Variants in NOTO observed in about 807,000 individuals in gnomAD.
NOTO encodes the protein notochord homeobox.
A neutral mutation model predicts 20.5 loss-of-function variants in NOTO; 19 were observed. The observed-to-expected ratio is 0.93, with a 90% confidence interval of 0.65 to 1.36. The LOEUF is 1.36. Ranked by LOEUF, NOTO falls within the 40% of genes most tolerant of loss-of-function variation. The pLI, the probability that NOTO is intolerant of heterozygous loss-of-function variation, is 0.00. For missense variants in NOTO, 369 were observed against 336.2 expected (o/e 1.10, Z -0.76); for synonymous variants, 150 against 150.2 (o/e 1.00, Z 0.01).
rs1385883624 is a variant in NOTO at position 73,208,409 on chromosome 2, T to A, written c.392T>A (p.Leu131Gln). ...GCTGGTTGCTCTTTAGGGTTGGAGCTGGCTCACTGCTCAGGACTCTGGGCC... is the reference window on the plus strand; with the variant it reads ...GCTGGTTGCTCTTTAGGGTTGGAGCAGGCTCACTGCTCAGGACTCTGGGCC... ...LLGFGVTGLELAHCSGLWAFP... is the reference protein window; with the variant it reads ...LLGFGVTGLEQAHCSGLWAFP... The change falls in exon 2 of 3, where the codon CTG becomes CAG. Residue 131 changes from leucine (L) to glutamine (Q), a missense_variant. By Grantham distance (113) the Leu-to-Gln change is moderately radical. Transcript: ENST00000398468. 6.4e-7 allele frequency: 1 copy of A among 1,551,332 alleles called. No homozygotes were observed.
At position 73,208,554 on chromosome 2, in the gene NOTO, C is replaced by A. The variant is rs1392702639; in HGVS notation, c.537C>A (p.His179Gln). ...TGGAGAAAGTGTTTGCAAAACAGCACAATCTGGTGGGGAAGAAGAGAGCCC... is the reference window on the plus strand; with the variant it reads ...TGGAGAAAGTGTTTGCAAAACAGCAAAATCTGGTGGGGAAGAAGAGAGCCC... ...EELEKVFAKQHNLVGKKRAQL... is the reference protein window; with the variant it reads ...EELEKVFAKQQNLVGKKRAQL... The change falls in exon 2 of 3, where the codon CAC becomes CAA. Residue 179 changes from histidine (H) to glutamine (Q), a missense_variant. By Grantham distance (24) the His-to-Gln change is conservative. Coordinates refer to ENST00000398468, the MANE Select transcript of NOTO (RefSeq NM_001134462.2). 1.3e-6 allele frequency: 2 copies of A among 1,551,430 alleles called. No individual in the cohort carries two copies. Among genetic ancestry groups the A allele is most frequent in the Non-Finnish European group, 1.7e-6 (2 of 1,146,948 alleles).
chr2:73,206,787 CTTT>C (rs969908382), intron 1 of NOTO, among the ~76,000 whole-genome samples: 18 of 89,970 alleles, frequency 2.0e-4, no homozygotes, highest in African/African-American at 4.3e-4. Context: ...CCAACTAGAG[CTTT>C]TTTTTTTTTT....
At chr2:73,206,649 T>C (rs1686092360) in intron 1 of NOTO, among the ~76,000 whole-genome samples, 1 of 152,038 alleles carries the variant, frequency 6.6e-6, no homozygotes, top group Non-Finnish European at 1.5e-5. Context: ...AGCACCATGT[T>C]AAAATCCTGA....
chr2:73,202,825 C>G lies in NOTO; in HGVS notation c.159C>G (p.Ala53=). ...GRFESPFSVE[A]ILARPDPCAP... ...TCGAGTCCCCTTTCTCGGTCGAGGC[C>G]ATCCTGGCGAGGCCCGACCCCTGCG... is the stretch of plus-strand genomic sequence containing the variant. Residue 53 remains alanine (A), a synonymous_variant, in exon 1 of 3, where the codon GCC becomes GCG. Transcript: ENST00000398468. The G allele has an allele frequency of 6.6e-7, 1 of 1,525,600 alleles. No individual in the cohort carries two copies. The highest frequency in any genetic ancestry group is 8.8e-7 in the Non-Finnish European group (1 of 1,142,084). 94.5% of individuals were successfully genotyped at this position (1,525,600 alleles called of 1,614,324 possible).
Position 73,210,822 on chromosome 2 carries a change from C to G in NOTO, c.649C>G (p.Leu217Val), listed in dbSNP as rs1285166074. 6.4e-7 allele frequency: 1 copy of G among 1,551,666 alleles called. No individual in the cohort carries two copies. Among genetic ancestry groups the G allele is most frequent in the South Asian group, 1.2e-5 (1 of 84,056 alleles). The change falls in exon 3 of 3, where the codon CTG (leucine) becomes GTG (valine). Residue 217 changes from leucine to valine, a missense_variant. Transcript: ENST00000398468. Reference protein sequence around the residue: ...RRVKYQKQQKLRAAVTSAEAA... With the variant: ...RRVKYQKQQKVRAAVTSAEAA... The stretch of plus-strand genomic sequence containing the variant: ...GGTCAAGTATCAGAAGCAGCAAAAG[C>G]TGAGGGCAGCAGTTACATCTGCCGA...
At chr2:73,204,706 C>CTGTTT (rs1228709630) in intron 1 of NOTO, among the ~76,000 whole-genome samples, 72 of 151,770 alleles carry the variant, frequency 4.7e-4, no homozygotes, top group African/African-American at 1.7e-3. Context: ...TTCTTTTGTT[C>CTGTTT]TGTTTTGTTT....
chr2:73,202,802 G>A lies in NOTO; in HGVS notation c.136G>A (p.Glu46Lys). ...PNTPRAPGRF[E>K]SPFSVEAILA... ...CACGCCCCGCGCTCCCGGACGCTTC[G>A]AGTCCCCTTTCTCGGTCGAGGCCAT... The change falls in exon 1 of 3, where the codon GAG becomes AAG. Residue 46 changes from glutamate (E) to lysine (K), a missense_variant. Transcript: ENST00000398468. The A allele has an allele frequency of 6.6e-7, 1 of 1,526,384 alleles. No homozygotes were observed. Among genetic ancestry groups the A allele is most frequent in the Non-Finnish European group, 8.8e-7 (1 of 1,142,558 alleles). 94.6% of individuals were successfully genotyped at this position (1,526,384 alleles called of 1,614,324 possible).
Position 73,202,882 on chromosome 2 carries a change from C to A in NOTO, c.216C>A (p.Ala72=). The part of the protein sequence containing the change: ...APAASQPSGS[A]CVHPAFWTAA... ...CGGCCTCCCAGCCGTCGGGCTCCGC[C>A]TGCGTCCACCCGGCCTTCTGGACCG... is the stretch of plus-strand genomic sequence containing the variant. Residue 72 remains alanine, a synonymous_variant, in exon 1 of 3, where the codon GCC becomes GCA. Transcript: ENST00000398468. 1 of 1,527,968 alleles carries A rather than the reference C, an allele frequency of 6.5e-7. No homozygotes were observed. Among genetic ancestry groups the A allele is most frequent in the Non-Finnish European group, 8.8e-7 (1 of 1,142,538 alleles). The allele number at this position is 1,527,968 out of a possible 1,614,324, so 94.7% of individuals were successfully genotyped here. A position where few individuals can be genotyped will look rare whatever the true frequency, so the allele number is the denominator to read the frequency against.
Position 73,202,974 on chromosome 2 carries a change from T to A in NOTO, c.308T>A (p.Leu103Gln). The A allele has an allele frequency of 6.6e-7, 1 of 1,505,418 alleles. No homozygotes were observed. The highest frequency in any genetic ancestry group is 8.8e-7 in the Non-Finnish European group (1 of 1,130,548). The allele number at this position is 1,505,418 out of a possible 1,614,324, so 93.3% of individuals were successfully genotyped here. A position where few individuals can be genotyped will look rare whatever the true frequency, so the allele number is the denominator to read the frequency against. The part of the protein sequence containing the change: ...ACPTSWLPAY[L>Q]SVGFYPVPGP... Reference sequence around the variant, plus strand: ...CCGACATCGTGGCTGCCCGCCTACCTGAGCGTAGGTTTTTACCCTGTGCCA... The same window carrying A: ...CCGACATCGTGGCTGCCCGCCTACCAGAGCGTAGGTTTTTACCCTGTGCCA... The change falls in exon 1 of 3, where the codon CTG (leucine) becomes CAG (glutamine). Residue 103 changes from leucine to glutamine, a missense_variant. By Grantham distance (113) the Leu-to-Gln change is moderately radical. Transcript: ENST00000398468.
Position 73,202,861 on chromosome 2 carries a change from C to T in NOTO, c.195C>T (p.Ala65=). Residue 65 remains alanine, a synonymous_variant, in exon 1 of 3, where the codon GCC becomes GCT. Coordinates refer to ENST00000398468, the MANE Select transcript of NOTO (RefSeq NM_001134462.2). ...GGCCCGACCCCTGCGCGCCGGCGGC[C>T]TCCCAGCCGTCGGGCTCCGCCTGCG... ...LARPDPCAPA[A]SQPSGSACVH... 1.3e-6 allele frequency: 2 copies of T among 1,526,746 alleles called. No individual in the cohort carries two copies. The highest frequency in any genetic ancestry group is 1.8e-6 in the Non-Finnish European group (2 of 1,142,300). The allele number at this position is 1,526,746 out of a possible 1,614,324, so 94.6% of individuals were successfully genotyped here. A position where few individuals can be genotyped will look rare whatever the true frequency, so the allele number is the denominator to read the frequency against.
In NOTO at chr2:73,211,120, T is replaced by C; in HGVS notation, c.*191T>C. 2 of 552,034 alleles carry C rather than the reference T, an allele frequency of 3.6e-6. No homozygotes were observed. Among genetic ancestry groups the C allele is most frequent in the South Asian group, 2.6e-5 (1 of 37,808 alleles). The allele number at this position is 552,034 out of a possible 1,614,324, so 34.2% of individuals were successfully genotyped here. A position where few individuals can be genotyped will look rare whatever the true frequency, so the allele number is the denominator to read the frequency against. Reference sequence around the variant, plus strand: ...ATGTAATGATTGGAGGCACAGACTCTGGCCTTCAGCTATGTCCTTGGCCAA... The same window carrying C: ...ATGTAATGATTGGAGGCACAGACTCCGGCCTTCAGCTATGTCCTTGGCCAA... On this transcript the variant is annotated 3_prime_UTR_variant, in exon 3 of 3. Coordinates refer to ENST00000398468, the MANE Select transcript of NOTO (RefSeq NM_001134462.2).
Position 73,202,642 on chromosome 2 carries a change from C to T in NOTO, c.-25C>T. 1 of 1,429,882 alleles carries T rather than the reference C, an allele frequency of 7.0e-7. No homozygotes were observed. Among genetic ancestry groups the T allele is most frequent in the East Asian group, 2.9e-5 (1 of 34,510 alleles). 88.6% of individuals were successfully genotyped at this position (1,429,882 alleles called of 1,614,324 possible). A position where few individuals can be genotyped will look rare whatever the true frequency, so the allele number is the denominator to read the frequency against. ...CACTTCTCCCGAGCTCCCTTCCTTGCGTCCGTCCGGGCAACGGCCGCGTCA... is the reference window on the plus strand; with the variant it reads ...CACTTCTCCCGAGCTCCCTTCCTTGTGTCCGTCCGGGCAACGGCCGCGTCA... On this transcript the variant is annotated 5_prime_UTR_variant, in exon 1 of 3. Transcript: ENST00000398468.
intron 2 of NOTO, among the ~76,000 whole-genome samples, chr2:73,209,939 G>T (rs948012869): frequency 6.6e-6 from 1 of 151,802 alleles, no homozygotes; most frequent in Non-Finnish European, 1.5e-5. Flanking sequence ...ATTGAGCCTT[G>T]TCATCTCTAC....
intron 1 of NOTO, among the ~76,000 whole-genome samples, chr2:73,204,473 G>T (rs1372243970): frequency 6.6e-6 from 1 of 152,066 alleles, no homozygotes. Context: ...AGTCTTGCCG[G>T]GTTCCTACTC....
chr2:73,209,313 C>G (rs1686135319), intron 2 of NOTO, among the ~76,000 whole-genome samples: 1 of 152,114 alleles, frequency 6.6e-6, no homozygotes, highest in South Asian at 2.1e-4. Flanking sequence ...GCAAACTTCT[C>G]AACAACTTGC....
intron 1 of NOTO, among the ~76,000 whole-genome samples, chr2:73,203,820 G>A (rs1345961114): frequency 6.6e-6 from 1 of 151,388 alleles, no homozygotes; most frequent in African/African-American, 2.4e-5. Flanking sequence ...CAAAAAATTG[G>A]CCGGGCGCGG....
intron 2 of NOTO, among the ~76,000 whole-genome samples, chr2:73,210,284 G>A (rs960644883): frequency 3.0e-4 from 45 of 152,106 alleles, no homozygotes; most frequent in African/African-American, 1.0e-3. Context: ...TCCAAGCTTG[G>A]TTCCATTTCA....
At position 73,208,529 on chromosome 2, in the gene NOTO, T is replaced by TG; in HGVS notation, c.514dup (p.Glu172GlyfsTer60). ...TTTAACTTGGAGCAGCTGGAAGAGT[T>TG]GGAGAAAGTGTTTGCAAAACAGCAC... On this transcript the variant is annotated frameshift_variant, in exon 2 of 3. Coordinates refer to ENST00000398468, the MANE Select transcript of NOTO (RefSeq NM_001134462.2). LOFTEE classifies it high-confidence loss of function. 5 of 1,551,496 alleles carry TG rather than the reference T, an allele frequency of 3.2e-6. No homozygotes were observed. Among genetic ancestry groups the TG allele is most frequent in the Non-Finnish European group, 4.4e-6 (5 of 1,146,916 alleles).
At chr2:73,208,356 C>G in intron 1 of NOTO, 44 bp from the exon 2 acceptor site, 1 of 1,393,138 alleles carries the variant, frequency 7.2e-7, no homozygotes, top group Middle Eastern at 2.1e-4. Context: ...TGGCTAACCT[C>G]CCCTGCTGCT....
Sources: gnomAD v4.1 joint callset for allele counts (sites outside exome capture counted in the v4.1 genomes callset) on GRCh38, gnomAD v4.1.1 for gene constraint, MANE v1.5 for transcripts, NCBI Gene and HGNC (gene_info 2026-07-23, HGNC 2026-07-21) for gene names.